NRXN3: variants seen among roughly 807,000 people sequenced by gnomAD.
NRXN3 encodes neurexin III.
A neutral mutation model predicts 137.6 loss-of-function variants in NRXN3; 32 were observed. The observed-to-expected ratio is 0.23, with a 90% CI of 0.18 to 0.31. NRXN3 has a LOEUF of 0.31. NRXN3 is among the 10% of genes least tolerant of loss of function. The probability of loss-of-function intolerance (pLI) is 1.00; values close to 1 mark genes in which losing one functional copy is unlikely to be tolerated. For missense variants in NRXN3, 1,574 were observed against 2,062.5 expected (o/e 0.76, Z 4.59); for synonymous variants, 798 against 784.5 (o/e 1.02, Z -0.29).
chr14:79,108,901 T>A (rs991169052), intron 15 of NRXN3, among the ~76,000 whole-genome samples: 1 of 152,088 alleles, frequency 6.6e-6, no homozygotes, highest in Non-Finnish European at 1.5e-5. Flanking sequence ...AATGGGGAGA[T>A]ATCATTAGAG....
intron 1 of NRXN3, among the ~76,000 whole-genome samples, chr14:78,183,534 C>T (rs1243377100): frequency 2.6e-5 from 4 of 152,192 alleles, no homozygotes; most frequent in Non-Finnish European, 4.4e-5. Flanking sequence ...GTCAATGGGG[C>T]ATGATAAAAT....
rs1259582922 is a variant in NRXN3, at chr14:79,486,103, T to C, written c.3444+18701T>C. 3.3e-5 allele frequency among the ~76,000 whole-genome samples: 5 copies of C among 152,244 alleles called. No homozygotes were observed. The East Asian group carries it at 9.7e-4, about 29-fold the overall frequency. On this transcript the variant is annotated intron_variant, in intron 16 of 20. Coordinates refer to ENST00000335750, the MANE Select transcript of NRXN3 (RefSeq NM_001330195.2). ...CATCATTAAACATTTAATTTTACAA[T>C]GAAGAAAACAAATTGCTACGTAAAC...
intron 15 of NRXN3, among the ~76,000 whole-genome samples, chr14:79,051,271 G>A (rs1223318167): frequency 6.6e-6 from 1 of 152,148 alleles, no homozygotes; most frequent in East Asian, 1.9e-4. Context: ...AGTGACTAAT[G>A]AGTATGACAG....
chr14:79,341,263 T>TA (rs900828296), intron 15 of NRXN3, among the ~76,000 whole-genome samples: 4 of 152,164 alleles, frequency 2.6e-5, no homozygotes, highest in Non-Finnish European at 5.9e-5. Context: ...CTACCCAGGG[T>TA]AATCTCCTTC....
chr14:78,734,161 A>G lies in NRXN3; in HGVS notation c.2044+19022A>G, dbSNP rs1001114928. Among the ~76,000 whole-genome samples, 9 of 151,826 alleles carry G rather than the reference A, an allele frequency of 5.9e-5. No individual in the cohort carries two copies. The East Asian group carries it at 1.7e-3, about 29-fold the overall frequency. Reference sequence around the variant, plus strand: ...AGTTGAATCAGGGATTTAGTGTGAAAAACATGTAGGTTTAAAAGAGCCAAA... The same window carrying G: ...AGTTGAATCAGGGATTTAGTGTGAAGAACATGTAGGTTTAAAAGAGCCAAA... On this transcript the variant is annotated intron_variant, in intron 8 of 20. Coordinates refer to ENST00000335750, the MANE Select transcript of NRXN3 (RefSeq NM_001330195.2).
At chr14:79,351,427 T>G (rs916594926) in intron 15 of NRXN3, among the ~76,000 whole-genome samples, 5 of 152,206 alleles carry the variant, frequency 3.3e-5, no homozygotes, top group Non-Finnish European at 7.3e-5. Context: ...CTATGATTCT[T>G]TCACATTAAA....
At chr14:78,249,980 T>C in intron 2 of NRXN3, 1 of 395,586 alleles carries the variant, frequency 2.5e-6, no homozygotes, top group Non-Finnish European at 5.0e-6. Flanking sequence ...CAATGATAGC[T>C]AATAATCACA....
chr14:79,001,923 A>C (rs918044947), intron 15 of NRXN3, among the ~76,000 whole-genome samples: 1 of 152,184 alleles, frequency 6.6e-6, no homozygotes, highest in Admixed American at 6.5e-5. Flanking sequence ...TTCAGGTAGA[A>C]CCTTATGTTA....
At chr14:79,124,038 T>A (rs2055966371) in intron 15 of NRXN3, among the ~76,000 whole-genome samples, 2 of 152,208 alleles carry the variant, frequency 1.3e-5, no homozygotes, top group Admixed American at 1.3e-4. Context: ...AATCTTGGCG[T>A]CTGAAAAATG....
intron 4 of NRXN3, among the ~76,000 whole-genome samples, chr14:78,404,570 T>A (rs1441121604): frequency 6.6e-6 from 1 of 152,214 alleles, no homozygotes; most frequent in Non-Finnish European, 1.5e-5. Context: ...ACTGTTTTAC[T>A]GCTCTAGAAT....
chr14:78,954,496 G>C (rs150584324), intron 10 of NRXN3, among the ~76,000 whole-genome samples: 1 of 151,938 alleles, frequency 6.6e-6, no homozygotes, highest in Admixed American at 6.6e-5. Context: ...ATGGAGTCTC[G>C]CTCTGTCATC....
chr14:78,278,179 A>C (rs949157189), intron 2 of NRXN3, among the ~76,000 whole-genome samples: 3 of 152,106 alleles, frequency 2.0e-5, no homozygotes, highest in Non-Finnish European at 4.4e-5. Flanking sequence ...TTGTTTCTCA[A>C]GGGAGTGGTT....
chr14:79,846,513 G>A (rs2099373521), intron 20 of NRXN3, among the ~76,000 whole-genome samples: 2 of 152,226 alleles, frequency 1.3e-5, no homozygotes, highest in South Asian at 2.1e-4. Context: ...GACTTAAGAA[G>A]GAAGAGAGAA....
At chr14:79,526,051 T>TTTTTTC (rs1007175244) in intron 16 of NRXN3, among the ~76,000 whole-genome samples, 1 of 152,064 alleles carries the variant, frequency 6.6e-6, no homozygotes, top group African/African-American at 2.4e-5. Context: ...CCACCTAATT[T>TTTTTTC]TTTTTCTTTT....
At chr14:78,306,053 A>G (rs1262069782) in intron 4 of NRXN3, among the ~76,000 whole-genome samples, 1 of 152,154 alleles carries the variant, frequency 6.6e-6, no homozygotes, top group Non-Finnish European at 1.5e-5. Flanking sequence ...CACCAAAGAC[A>G]TTTTTTGCAT....
chr14:79,484,589 C>A (rs1474661641), intron 16 of NRXN3, among the ~76,000 whole-genome samples: 1 of 152,252 alleles, frequency 6.6e-6, no homozygotes, highest in Middle Eastern at 3.4e-3. Flanking sequence ...CCAATCTCCA[C>A]CACTCCCTGT....
chr14:79,471,275 C>T (rs78412951), intron 16 of NRXN3, among the ~76,000 whole-genome samples: 2 of 152,120 alleles, frequency 1.3e-5, no homozygotes, highest in Non-Finnish European at 2.9e-5. Flanking sequence ...CTCACTCTCT[C>T]TCTTCAAGCT....
chr14:78,273,488 C>T (rs2073104334), intron 2 of NRXN3, among the ~76,000 whole-genome samples: 1 of 152,158 alleles, frequency 6.6e-6, no homozygotes, highest in South Asian at 2.1e-4. Flanking sequence ...GGAAGGCAGA[C>T]AGACACAGAA....
intron 15 of NRXN3, among the ~76,000 whole-genome samples, chr14:79,190,354 C>T (rs1004673213): frequency 3.9e-5 from 6 of 152,008 alleles, no homozygotes; most frequent in Non-Finnish European, 8.8e-5. Context: ...CCAGGGCTCA[C>T]GGCATATAGT....
Sources: allele counts gnomAD v4.1 joint callset (sites outside exome capture counted in the v4.1 genomes callset), GRCh38; gene constraint gnomAD v4.1.1; transcripts MANE v1.5; gene names NCBI Gene and HGNC (gene_info 2026-07-23, HGNC 2026-07-21).